The following MMS19 variants were observed in gnomAD, a reference collection of about 807,000 sequenced individuals.
MMS19 encodes MMS19 cytosolic iron-sulfur assembly component.
In MMS19, 77 loss-of-function variants were observed where a neutral mutation model predicts 129.8. The ratio of observed to expected loss-of-function variants is 0.59; its 90% CI spans 0.49 to 0.72. The LOEUF is 0.72. MMS19 is among the 30% of genes least tolerant of loss of function. The probability of loss-of-function intolerance (pLI) is 0.00; values close to 1 mark genes in which losing one functional copy is unlikely to be tolerated. For missense variants in MMS19, 1,168 were observed against 1,266.3 expected (o/e 0.92, Z 1.18); for synonymous variants, 491 against 502.8 (o/e 0.98, Z 0.31).
chr10:97,461,903 A>G lies in MMS19; in HGVS notation c.2116-7T>C. ...TCTGCCCTGAGGAGCCATCCTATAAAGGAAGGAGAGCCCGATCAAGCCTGC... is the reference window on the plus strand; with the variant it reads ...TCTGCCCTGAGGAGCCATCCTATAAGGGAAGGAGAGCCCGATCAAGCCTGC... On this transcript the variant is annotated splice_region_variant and splice_polypyrimidine_tract_variant and intron_variant, in intron 21 of 30. Transcript: ENST00000438925. 1 of 1,601,588 alleles carries G rather than the reference A, an allele frequency of 6.2e-7. No individual in the cohort carries two copies. Among genetic ancestry groups the G allele is most frequent in the South Asian group, 1.1e-5 (1 of 88,606 alleles).
At chr10:97,494,248 C>T (rs566330296) in intron 1 of MMS19, among the ~76,000 whole-genome samples, 20 of 152,278 alleles carry the variant, frequency 1.3e-4, no homozygotes, top group African/African-American at 4.3e-4. Flanking sequence ...CTAGCACCTC[C>T]TAACTACCCA....
intron 6 of MMS19, 40 bp downstream of exon 6, chr10:97,477,307 T>G: frequency 6.2e-7 from 1 of 1,613,948 alleles, no homozygotes; most frequent in Non-Finnish European, 8.5e-7. Context: ...AAGTAGGATG[T>G]GCTTGCTTTT....
At chr10:97,474,756 ATCTG>A (rs921040076) in intron 8 of MMS19, among the ~76,000 whole-genome samples, 13 of 152,184 alleles carry the variant, frequency 8.5e-5, no homozygotes, top group African/African-American at 3.1e-4. Flanking sequence ...TCCTAATATT[ATCTG>A]TAAGTTTATT....
chr10:97,459,720 T>TG lies in MMS19; in HGVS notation c.2677_2678insC (p.Lys893ThrfsTer8). On this transcript the variant is annotated frameshift_variant, in exon 27 of 31. Transcript: ENST00000438925. LOFTEE classifies it high-confidence loss of function. ...CCTGTTAAGTACATGAGAAAGACCCTTCAAGTAGTTTGGCTTCACATCTGT... is the reference window on the plus strand; with the variant it reads ...CCTGTTAAGTACATGAGAAAGACCCTGTCAAGTAGTTTGGCTTCACATCTGT... The TG allele has an allele frequency of 6.2e-7, 1 of 1,611,942 alleles. No individual in the cohort carries two copies. Among genetic ancestry groups the TG allele is most frequent in the South Asian group, 1.1e-5 (1 of 90,474 alleles).
At chr10:97,474,902 T>C (rs1024964418) in intron 8 of MMS19, among the ~76,000 whole-genome samples, 1 of 152,250 alleles carries the variant, frequency 6.6e-6, no homozygotes, top group Non-Finnish European at 1.5e-5. Context: ...ATCATGCTCA[T>C]TGTATAACCT....
In MMS19 at chr10:97,461,535, C is replaced by T. The variant is rs752547071; in HGVS notation, c.2272G>A (p.Ala758Thr). ...HSCPFSSTAA[A>T]KCFAGLLNKH... Reference sequence around the variant, plus strand: ...TTGAGGAGTCCTGCAAAGCACTTGGCAGCAGCGGTGGAAGAAAAGGGGCAG... The same window carrying T: ...TTGAGGAGTCCTGCAAAGCACTTGGTAGCAGCGGTGGAAGAAAAGGGGCAG... Residue 758 changes from alanine to threonine, a missense_variant, in exon 23 of 31, where the codon GCC (alanine) becomes ACC (threonine). Physicochemically the swap from Ala to Thr is moderately conservative, Grantham distance 58 (BLOSUM62 0). Transcript: ENST00000438925. The T allele has an allele frequency of 1.9e-6, 3 of 1,605,146 alleles. No homozygotes were observed. The highest frequency in any genetic ancestry group is 2.6e-6 in the Non-Finnish European group (3 of 1,175,908).
At chr10:97,481,852 C>T (rs1270734823) in intron 2 of MMS19, among the ~76,000 whole-genome samples, 3 of 152,122 alleles carry the variant, frequency 2.0e-5, no homozygotes, top group East Asian at 3.9e-4. Flanking sequence ...GGATAAAAAC[C>T]TGTAGAAAGG....
intron 1 of MMS19, among the ~76,000 whole-genome samples, chr10:97,495,763 T>C (rs2039666551): frequency 6.6e-6 from 1 of 152,236 alleles, no homozygotes; most frequent in Non-Finnish European, 1.5e-5. Context: ...TCTGTTACTA[T>C]TCCTTTGTAC....
At chr10:97,488,112 A>T (rs2038230511) in intron 1 of MMS19, among the ~76,000 whole-genome samples, 1 of 152,154 alleles carries the variant, frequency 6.6e-6, no homozygotes, top group South Asian at 2.1e-4. Context: ...AAATAAAATT[A>T]AAAAAACAAA....
At chr10:97,461,204 AAG>A (rs1360518386) in intron 23 of MMS19, 197 bp from the exon 24 acceptor site, 4 of 609,178 alleles carry the variant, frequency 6.6e-6, no homozygotes, top group Non-Finnish European at 1.1e-5. Flanking sequence ...GCCATTTGAA[AAG>A]AGAGGGTCAT....
At chr10:97,480,555 A>C (rs1273896282) in intron 3 of MMS19, among the ~76,000 whole-genome samples, 1 of 152,072 alleles carries the variant, frequency 6.6e-6, no homozygotes, top group African/African-American at 2.4e-5. Context: ...TACACTGAAA[A>C]AACAGTCTAA....
intron 1 of MMS19, among the ~76,000 whole-genome samples, chr10:97,486,183 T>G (rs770470213): frequency 5.9e-5 from 9 of 152,020 alleles, no homozygotes; most frequent in South Asian, 2.1e-4. Flanking sequence ...TGGTGTTTTT[T>G]GTTTGTTTGT....
chr10:97,477,058 C>T (rs2035904870), intron 6 of MMS19, 95 bp from the exon 7 acceptor site: 3 of 1,575,556 alleles, frequency 1.9e-6, no homozygotes, highest in East Asian at 4.5e-5. Context: ...ATCATTGCCT[C>T]CCCTTTCTCT....
At chr10:97,488,212 A>T (rs2038249909) in intron 1 of MMS19, among the ~76,000 whole-genome samples, 1 of 152,258 alleles carries the variant, frequency 6.6e-6, no homozygotes, top group Non-Finnish European at 1.5e-5. Context: ...TTACAATAAA[A>T]GATGTAAATT....
Position 97,467,580 on chromosome 10 carries a change from TG to T in MMS19, c.1221del (p.Ser407ArgfsTer15), listed in dbSNP as rs1437878537. 13 of 1,613,834 alleles carry T rather than the reference TG, an allele frequency of 8.1e-6. No individual in the cohort carries two copies. Among genetic ancestry groups the T allele is most frequent in the African/African-American group, 2.7e-5 (2 of 74,936 alleles). ...LLEQFHKHSQ[S>X]SQRRTILEML... ...ATTTCAAGGATTGTCCGCCGCTGGC[TG>T]CTCTGTAACGTTTCAAGGGGTACTA... On this transcript the variant is annotated frameshift_variant and splice_region_variant, in exon 14 of 31. Transcript: ENST00000438925. LOFTEE classifies it high-confidence loss of function.
rs760156386 is a variant in MMS19, at chr10:97,477,940, G to C, written c.349-11C>G. 6.3e-7 allele frequency: 1 copy of C among 1,580,292 alleles called. No homozygotes were observed. The highest frequency in any genetic ancestry group is 1.2e-5 in the South Asian group (1 of 85,284). ...GGCCACACACAGGCTCTGGGGGAGA[G>C]GAGAAGGTACGTGAATACCGAAGGA... On this transcript the variant is annotated splice_polypyrimidine_tract_variant and intron_variant, in intron 4 of 30. Coordinates refer to ENST00000438925, the MANE Select transcript of MMS19 (RefSeq NM_022362.5).
chr10:97,470,425 AC>A (rs768396752), intron 9 of MMS19, among the ~76,000 whole-genome samples: 5 of 152,180 alleles, frequency 3.3e-5, no homozygotes, highest in Non-Finnish European at 5.9e-5. Context: ...ATTTTAAAAG[AC>A]AGCACCATAT....
In MMS19 at chr10:97,498,268, C is replaced by A. The variant is rs29001246; in HGVS notation, c.112+5G>T. ...GCGGAAGGCGCGCGGCGCCGTCTGC[C>A]GTACCTGCAGCCACCTGGTCAGCGG... is the stretch of plus-strand genomic sequence containing the variant. On this transcript the variant is annotated splice_donor_5th_base_variant and intron_variant, in intron 1 of 30. Coordinates refer to ENST00000438925, the MANE Select transcript of MMS19 (RefSeq NM_022362.5). The A allele has an allele frequency of 0.016, 25,333 of 1,555,136 alleles. 253 individuals carry two copies. The highest frequency in any genetic ancestry group is 0.02 in the Non-Finnish European group (22,772 of 1,157,868).
At position 97,490,101 on chromosome 10, in the gene MMS19, A is replaced by ATT. The variant is rs546435361; in HGVS notation, c.113-5952_113-5951dup. Among the ~76,000 whole-genome samples the ATT allele has an allele frequency of 7.2e-3, 1,074 of 150,012 alleles. 14 individuals are homozygous for ATT. The highest frequency in any genetic ancestry group is 0.025 in the African/African-American group (1,016 of 40,910). On this transcript the variant is annotated intron_variant, in intron 1 of 30. Transcript: ENST00000438925. Reference sequence around the variant, plus strand: ...AGGAGTATCTACCTATATTATTTGGATTTTTTTTTTGAGGCAGGGTCTAGC... The same window carrying ATT: ...AGGAGTATCTACCTATATTATTTGGATTTTTTTTTTTTGAGGCAGGGTCTAGC...
Sources: gnomAD v4.1 joint callset for allele counts (sites outside exome capture counted in the v4.1 genomes callset) on GRCh38, gnomAD v4.1.1 for gene constraint, MANE v1.5 for transcripts, NCBI Gene and HGNC (gene_info 2026-07-23, HGNC 2026-07-21) for gene names.